ZNF496: variants seen among roughly 807,000 people sequenced by gnomAD.
The protein encoded by ZNF496 is zinc finger protein 496, also known as NSD1 (nuclear receptor binding SET-domain containing 1)-interacting zinc finger protein 1.
A neutral mutation model predicts 58.9 loss-of-function variants in ZNF496; 11 were observed. The observed-to-expected ratio is 0.19, with a 90% CI of 0.12 to 0.31. ZNF496 has a LOEUF of 0.31. Among genes scored for constraint, ZNF496 ranks in the 10% least tolerant of loss-of-function variants. The probability of loss-of-function intolerance (pLI) is 1.00; values close to 1 mark genes in which losing one functional copy is unlikely to be tolerated. For synonymous variants in ZNF496, 338 were observed against 318.2 expected (o/e 1.06, Z -0.66); for missense variants, 660 against 783.0 (o/e 0.84, Z 1.88).
intron 5 of ZNF496, among the ~76,000 whole-genome samples, chr1:247,327,174 C>T (rs1407078990): frequency 6.6e-6 from 1 of 152,180 alleles, no homozygotes; most frequent in Non-Finnish European, 1.5e-5. Flanking sequence ...AAGTGATTCT[C>T]CTGCCTCAGC....
chr1:247,316,696 TGACTA>T (rs1157164731), intron 6 of ZNF496, among the ~76,000 whole-genome samples: 1 of 152,182 alleles, frequency 6.6e-6, no homozygotes, highest in African/African-American at 2.4e-5. Flanking sequence ...GACAGAAAAC[TGACTA>T]GACAGTCAAG....
rs773376900 is a variant in ZNF496, at chr1:247,300,983, G to A, written c.1300C>T (p.Pro434Ser). The change falls in exon 10 of 10, where the codon CCG (proline) becomes TCG (serine). Residue 434 changes from proline (P) to serine (S), a missense_variant. Transcript: ENST00000682384. This position sits in a 1 kb window ranked among gnomAD's most constrained non-coding sequence, Gnocchi z 5.7. ...TCCCCGCACACCGAGCACTCGTGCG[G>A]CTTCTCCTGCTCCCTGCGGCTCCGC... ...HLRSRREQEK[P>S]HECSVCGELF... is the part of the protein sequence containing the mutation. 1.9e-6 allele frequency: 3 copies of A among 1,613,874 alleles called. No homozygotes were observed. Among genetic ancestry groups the A allele is most frequent in the East Asian group, 2.2e-5 (1 of 44,890 alleles).
Position 247,309,608 on chromosome 1 carries a change from C to A in ZNF496, c.892+91G>T. The A allele has an allele frequency of 6.5e-7, 1 of 1,546,228 alleles. No homozygotes were observed. Among genetic ancestry groups the A allele is most frequent in the Admixed American group, 2.0e-5 (1 of 50,600 alleles). On this transcript the variant is annotated intron_variant, in intron 8 of 9. Coordinates refer to ENST00000682384, the MANE Select transcript of ZNF496 (RefSeq NM_032752.3). This position sits in a 1 kb window ranked among gnomAD's most constrained non-coding sequence, Gnocchi z 4.3. ...GGGAAATGAAGAAGGCAATTAGGGG[C>A]CGCAGAGAGAAGCCAGAGAGTGGGC...
In ZNF496 at chr1:247,308,388, C is replaced by T. The variant is rs1390512426; in HGVS notation, c.1006+87G>A. 6 of 1,210,710 alleles carry T rather than the reference C, an allele frequency of 5.0e-6. No homozygotes were observed. In the East Asian group the frequency reaches 1.4e-4, roughly 28 times the overall value. 75.0% of individuals were successfully genotyped at this position (1,210,710 alleles called of 1,614,324 possible). On this transcript the variant is annotated intron_variant, in intron 9 of 9. Transcript: ENST00000682384. This position sits in a 1 kb window ranked among gnomAD's most constrained non-coding sequence, Gnocchi z 4.5. ...GCACACATGCATTCAACACAACCAT[C>T]CCCTATGCCACACATGCATACATAC...
At chr1:247,314,322 G>A (rs1659704712) in intron 6 of ZNF496, among the ~76,000 whole-genome samples, 1 of 151,882 alleles carries the variant, frequency 6.6e-6, no homozygotes, top group African/African-American at 2.4e-5. Context: ...CTCCCATAGG[G>A]CTGGGATTAC....
Position 247,301,083 on chromosome 1 carries a change from C to T in ZNF496, c.1200G>A (p.Gln400=), listed in dbSNP as rs1558435050. 1.2e-6 allele frequency: 2 copies of T among 1,613,800 alleles called. No individual in the cohort carries two copies. Among genetic ancestry groups the T allele is most frequent in the Non-Finnish European group, 1.7e-6 (2 of 1,180,046 alleles). Residue 400 remains glutamine (Q), a synonymous_variant, in exon 10 of 10, where the codon CAG becomes CAA. Coordinates refer to ENST00000682384, the MANE Select transcript of ZNF496 (RefSeq NM_032752.3). ...RSSTEAGGEV[Q]TSKKSYVCPN... is the part of the protein sequence containing the mutation. ...GACACACGTAGGACTTCTTGGAGGT[C>T]TGCACCTCGCCTCCGGCCTCGGTGC...
chr1:247,308,721 G>T lies in ZNF496; in HGVS notation c.893-133C>A, dbSNP rs1274678721. 6.5e-6 allele frequency: 5 copies of T among 771,728 alleles called. No individual in the cohort carries two copies. Among genetic ancestry groups the T allele is most frequent in the Non-Finnish European group, 1.0e-5 (5 of 477,986 alleles). The allele number at this position is 771,728 out of a possible 1,614,324, so 47.8% of individuals were successfully genotyped here. On this transcript the variant is annotated intron_variant, in intron 8 of 9. Coordinates refer to ENST00000682384, the MANE Select transcript of ZNF496 (RefSeq NM_032752.3). This position sits in a 1 kb window ranked among gnomAD's most constrained non-coding sequence, Gnocchi z 4.5. The stretch of plus-strand genomic sequence containing the variant: ...GCTCCGTCCTGGGGACTGGCAGGGG[G>T]TGGCCACTCAATAAGTGTCTGCTGA...
Position 247,301,075 on chromosome 1 carries a change from T to C in ZNF496, c.1208A>G (p.Lys403Arg), listed in dbSNP as rs140317681. 1.7e-4 allele frequency: 278 copies of C among 1,613,626 alleles called. 2 individuals are homozygous for C. Among genetic ancestry groups the C allele is most frequent in the Middle Eastern group, 1.3e-3 (8 of 6,084 alleles). ...TEAGGEVQTS[K>R]KSYVCPNCGK... ...ACAGTTCGGACACACGTAGGACTTC[T>C]TGGAGGTCTGCACCTCGCCTCCGGC... Residue 403 changes from lysine to arginine, a missense_variant, in exon 10 of 10, where the codon AAG becomes AGG. By Grantham distance (26) the Lys-to-Arg change is conservative. Coordinates refer to ENST00000682384, the MANE Select transcript of ZNF496 (RefSeq NM_032752.3).
intron 6 of ZNF496, chr1:247,310,795 C>T (rs532665583): frequency 4.1e-4 from 87 of 211,622 alleles, no homozygotes; most frequent in African/African-American, 1.7e-3. Context: ...AAAGTCTCCA[C>T]TTCCTAATAC....
chr1:247,314,845 C>G (rs1352416876), intron 6 of ZNF496, among the ~76,000 whole-genome samples: 1 of 152,106 alleles, frequency 6.6e-6, no homozygotes, highest in Admixed American at 6.5e-5. Context: ...TTCCCAGGTT[C>G]AAATGATTTT....
At chr1:247,303,632 TGTAA>T (rs1458076448) in intron 9 of ZNF496, among the ~76,000 whole-genome samples, 1 of 152,118 alleles carries the variant, frequency 6.6e-6, no homozygotes, top group African/African-American at 2.4e-5. Flanking sequence ...AAACAGAAAT[TGTAA>T]GTAAGGAACT....
rs752743983 is a variant in ZNF496, at chr1:247,323,167, A to C, written c.638T>G (p.Leu213Arg). 1 of 1,613,766 alleles carries C rather than the reference A, an allele frequency of 6.2e-7. No homozygotes were observed. Among genetic ancestry groups the C allele is most frequent in the African/African-American group, 1.3e-5 (1 of 74,946 alleles). The change falls in exon 6 of 10, where the codon CTC (leucine) becomes CGC (arginine). Residue 213 changes from leucine to arginine, a missense_variant. Transcript: ENST00000682384. ...NVRDTQQVTTLQLPPSRVSPF... is the reference protein window; with the variant it reads ...NVRDTQQVTTRQLPPSRVSPF... Reference sequence around the variant, plus strand: ...GAAACCACTCACCGGGGGTAGCTGGAGGGTGGTCACCTGCTGTGTGTCCCG... The same window carrying C: ...GAAACCACTCACCGGGGGTAGCTGGCGGGTGGTCACCTGCTGTGTGTCCCG...
Position 247,331,640 on chromosome 1 carries a change from G to A in ZNF496, c.-362C>T, listed in dbSNP as rs1660332038. ...GCCACGGCTCGGCTCGGGGGCAAATGGAGGCGCCTGAAAAACAATGGTGTT... is the reference window on the plus strand; with the variant it reads ...GCCACGGCTCGGCTCGGGGGCAAATAGAGGCGCCTGAAAAACAATGGTGTT... On this transcript the variant is annotated 5_prime_UTR_variant, in exon 2 of 10. Transcript: ENST00000682384. 6.6e-6 allele frequency: 1 copy of A among 152,196 alleles called. No homozygotes were observed. The highest frequency in any genetic ancestry group is 1.9e-4 in the East Asian group (1 of 5,152). The allele number at this position is 152,196 out of a possible 1,614,324, so 9.4% of individuals were successfully genotyped here.
chr1:247,327,193 A>T (rs1354585525), intron 5 of ZNF496, among the ~76,000 whole-genome samples: 1 of 151,948 alleles, frequency 6.6e-6, no homozygotes, highest in East Asian at 1.9e-4. Context: ...GCCTCCCGAA[A>T]AGCTGGAATT....
At chr1:247,316,171 T>C (rs190776405) in intron 6 of ZNF496, among the ~76,000 whole-genome samples, 1,505 of 139,126 alleles carry the variant, frequency 0.011, 26 homozygotes, top group African/African-American at 0.037. Flanking sequence ...TGTGTGTGTG[T>C]GCACGACTTC....
At chr1:247,306,499 T>TA (rs1659415405) in intron 9 of ZNF496, among the ~76,000 whole-genome samples, 1 of 139,292 alleles carries the variant, frequency 7.2e-6, no homozygotes, top group South Asian at 2.7e-4. Context: ...ACCTGGCCGT[T>TA]TTTTTTTTCT....
intron 6 of ZNF496, chr1:247,312,989 T>C (rs1659655826): frequency 6.6e-6 from 1 of 152,312 alleles, no homozygotes; most frequent in Admixed American, 6.5e-5. Flanking sequence ...CTTACAGTTC[T>C]GGAGGCTAGG....
intron 9 of ZNF496, among the ~76,000 whole-genome samples, chr1:247,303,064 A>T (rs746219100): frequency 1.1e-4 from 16 of 152,336 alleles, no homozygotes; most frequent in Middle Eastern, 3.4e-3. Flanking sequence ...GCCCTAACCC[A>T]TAGAGCCTCA....
chr1:247,329,439 C>T lies in ZNF496; in HGVS notation c.140G>A (p.Arg47His), dbSNP rs757781873. The T allele has an allele frequency of 1.5e-5, 24 of 1,612,826 alleles. No homozygotes were observed. The highest frequency in any genetic ancestry group is 1.0e-4 in the Admixed American group (6 of 59,894). Reference protein sequence around the residue: ...SPESSRRLFRRFRYQEAAGPR... With the variant: ...SPESSRRLFRHFRYQEAAGPR... ...GCCCGCCGCCTCCTGGTAGCGGAAA[C>T]GGCGGAAGAGACGCCGAGAGGACTC... The change falls in exon 4 of 10, where the codon CGT (arginine) becomes CAT (histidine). Residue 47 changes from arginine (R) to histidine (H), a missense_variant. Transcript: ENST00000682384. This position sits in a 1 kb window ranked among gnomAD's most constrained non-coding sequence, Gnocchi z 5.5.
Sources: gnomAD v4.1 joint callset for allele counts (sites outside exome capture counted in the v4.1 genomes callset) on GRCh38, gnomAD v4.1.1 for gene constraint, Gnocchi (gnomAD v3.1) non-coding constraint, MANE v1.5 for transcripts, NCBI Gene and HGNC (gene_info 2026-07-23, HGNC 2026-07-21) for gene names.